CUBN: variants seen among roughly 807,000 people sequenced by gnomAD.
The protein encoded by CUBN is 460 kDa receptor.
A neutral mutation model predicts 405.3 loss-of-function variants in CUBN; 282 were observed. That is an observed-to-expected ratio of 0.70 (90% CI 0.63 to 0.77). CUBN has a LOEUF of 0.77. CUBN is among the 30% of genes least tolerant of loss of function. The probability of loss-of-function intolerance (pLI) is 0.00; values close to 1 mark genes in which losing one functional copy is unlikely to be tolerated. For missense variants in CUBN, 4,514 were observed against 4,475.2 expected (o/e 1.01, Z -0.25); for synonymous variants, 1,684 against 1,617.0 (o/e 1.04, Z -0.99).
chr10:16,898,205 C>A (rs554378183), intron 54 of CUBN, among the ~76,000 whole-genome samples: 1 of 152,116 alleles, frequency 6.6e-6, no homozygotes, highest in African/African-American at 2.4e-5. Flanking sequence ...TTTGACTCAT[C>A]AAGTGACTTT....
intron 43 of CUBN, among the ~76,000 whole-genome samples, chr10:16,922,762 A>G (rs1842072607): frequency 6.6e-6 from 1 of 150,890 alleles, no homozygotes; most frequent in African/African-American, 2.4e-5. Context: ...TTCCCCTGGA[A>G]CCCTCTCTGA....
intron 14 of CUBN, among the ~76,000 whole-genome samples, chr10:17,092,607 A>G (rs1216953365): frequency 6.6e-6 from 1 of 152,160 alleles, no homozygotes; most frequent in African/African-American, 2.4e-5. Flanking sequence ...ACTGCTCACT[A>G]TATGCTAATT....
In CUBN at chr10:16,840,890, A is replaced by G; in HGVS notation, c.9821T>C (p.Met3274Thr). 2 of 1,610,790 alleles carry G rather than the reference A, an allele frequency of 1.2e-6. No homozygotes were observed. Among genetic ancestry groups the G allele is most frequent in the Non-Finnish European group, 8.5e-7 (1 of 1,177,946 alleles). ...REGFNATYTI[M>T]DMPCGGTYNA... ...AAATGCTTCTATTTACTCACTGTCC[A>G]TGATGGTGTATGTAGCATTAAATCC... is the stretch of plus-strand genomic sequence containing the variant. Residue 3274 changes from methionine (M) to threonine (T), a missense_variant, in exon 61 of 67, where the codon ATG (methionine) becomes ACG (threonine). Met to Thr is a moderately conservative substitution (Grantham distance 81). Coordinates refer to ENST00000377833, the MANE Select transcript of CUBN (RefSeq NM_001081.4).
At chr10:17,043,720 G>A in intron 26 of CUBN, 107 bp downstream of exon 26, 1 of 1,501,614 alleles carries the variant, frequency 6.7e-7, no homozygotes, top group Non-Finnish European at 9.2e-7. Flanking sequence ...TCTAGGCACT[G>A]AACAGCGAGT....
chr10:16,898,455 C>G (rs1184954873), intron 54 of CUBN, among the ~76,000 whole-genome samples: 2 of 152,132 alleles, frequency 1.3e-5, no homozygotes, highest in African/African-American at 4.8e-5. Flanking sequence ...GGCACTCTTT[C>G]TCTAAAAGTC....
chr10:16,830,236 G>C (rs1249168271), intron 65 of CUBN, among the ~76,000 whole-genome samples: 1 of 152,034 alleles, frequency 6.6e-6, no homozygotes, highest in Non-Finnish European at 1.5e-5. Flanking sequence ...GCTTAATCTT[G>C]GTGTTTTATT....
intron 54 of CUBN, among the ~76,000 whole-genome samples, chr10:16,890,906 T>C (rs936899891): frequency 6.6e-6 from 1 of 152,156 alleles, no homozygotes; most frequent in Non-Finnish European, 1.5e-5. Context: ...CCTGGGAAGA[T>C]AGCAGATTGT....
chr10:16,840,276 A>G, intron 62 of CUBN, 54 bp downstream of exon 62: 1 of 1,461,532 alleles, frequency 6.8e-7, no homozygotes, highest in Non-Finnish European at 9.6e-7. Flanking sequence ...GTGTTTTGCA[A>G]ATACTGGTGA....
intron 6 of CUBN, among the ~76,000 whole-genome samples, chr10:17,121,493 C>A (rs1418423650): frequency 7.6e-6 from 1 of 130,908 alleles, no homozygotes; most frequent in Non-Finnish European, 1.5e-5. Flanking sequence ...GGGAACTGAA[C>A]AATGAGAACA....
chr10:16,898,825 G>GA (rs1173486595), intron 54 of CUBN, among the ~76,000 whole-genome samples, 171 bp downstream of exon 54: 4 of 152,072 alleles, frequency 2.6e-5, no homozygotes, highest in African/African-American at 9.7e-5. Context: ...AAGTAAGAAA[G>GA]AAAAGAAATT....
intron 6 of CUBN, among the ~76,000 whole-genome samples, chr10:17,116,818 T>C (rs1836912775): frequency 6.6e-6 from 1 of 151,980 alleles, no homozygotes; most frequent in Non-Finnish European, 1.5e-5. Flanking sequence ...GAGCAATGAG[T>C]GTGGCCAGAA....
In CUBN at chr10:16,940,053, A is replaced by G. The variant is rs983746803; in HGVS notation, c.5527T>C (p.Phe1843Leu). Reference sequence around the variant, plus strand: ...TTACTCTTCATAAATGTGGCCTGGAAGCCCGTGCCGCTGCCAGAACCATCT... The same window carrying G: ...TTACTCTTCATAAATGTGGCCTGGAGGCCCGTGCCGCTGCCAGAACCATCT... ...ISDGSGSGTGFQATFMKIFGN... is the reference protein window; with the variant it reads ...ISDGSGSGTGLQATFMKIFGN... The change falls in exon 37 of 67, where the codon TTC (phenylalanine) becomes CTC (leucine). Residue 1843 changes from phenylalanine (F) to leucine (L), a missense_variant. Phe to Leu is a conservative substitution (Grantham distance 22). Transcript: ENST00000377833. 2 of 1,614,012 alleles carry G rather than the reference A, an allele frequency of 1.2e-6. No individual in the cohort carries two copies. The highest frequency in any genetic ancestry group is 1.7e-6 in the Non-Finnish European group (2 of 1,179,842).
intron 21 of CUBN, among the ~76,000 whole-genome samples, chr10:17,066,171 G>A (rs1835610678): frequency 1.3e-5 from 2 of 152,100 alleles, no homozygotes. Context: ...CCTATAGAGG[G>A]AATCTATTGT....
At chr10:16,847,148 AT>A (rs1401749028) in intron 60 of CUBN, among the ~76,000 whole-genome samples, 49 of 152,126 alleles carry the variant, frequency 3.2e-4, no homozygotes, top group African/African-American at 1.1e-3. Flanking sequence ...TGTGAAAAAA[AT>A]GTCCGTTATT....
intron 60 of CUBN, among the ~76,000 whole-genome samples, chr10:16,841,931 G>C (rs115157804): frequency 0.017 from 1,524 of 90,024 alleles, 20 homozygotes; most frequent in African/African-American, 0.047. Context: ...AAAAAAAAAA[G>C]ATATCCCCAA....
chr10:17,065,780 G>A (rs1835601984), intron 21 of CUBN, 142 bp from the exon 22 acceptor site: 2 of 1,021,618 alleles, frequency 2.0e-6, no homozygotes. Flanking sequence ...ATATATTTCA[G>A]GCAAAAAAGA....
At chr10:16,868,945 T>A (rs1840267506) in intron 59 of CUBN, among the ~76,000 whole-genome samples, 1 of 152,166 alleles carries the variant, frequency 6.6e-6, no homozygotes, top group South Asian at 2.1e-4. Flanking sequence ...TAGAAAGTCA[T>A]CCTCAATTCA....
intron 31 of CUBN, among the ~76,000 whole-genome samples, chr10:16,975,293 T>C (rs915889418): frequency 2.0e-5 from 3 of 152,238 alleles, no homozygotes; most frequent in African/African-American, 7.2e-5. Flanking sequence ...TGCTGTTTCC[T>C]CCTGCTGCAC....
intron 53 of CUBN, 100 bp downstream of exon 53, chr10:16,900,525 G>T: frequency 1.1e-6 from 1 of 938,852 alleles, no homozygotes. Flanking sequence ...CAAATATTTA[G>T]AACTAAGCCT....
Sources: allele counts gnomAD v4.1 joint callset (sites outside exome capture counted in the v4.1 genomes callset), GRCh38; gene constraint gnomAD v4.1.1; transcripts MANE v1.5; gene names NCBI Gene and HGNC (gene_info 2026-07-23, HGNC 2026-07-21).